Variants in LITAF observed in about 807,000 individuals in gnomAD.
The protein encoded by LITAF is lipopolysaccharide induced TNF factor.
A neutral mutation model predicts 14.5 loss-of-function variants in LITAF; 9 were observed. That is an observed-to-expected ratio of 0.62 (90% CI 0.37 to 1.08). The LOEUF (loss-of-function observed/expected upper bound fraction) is 1.08. Ranked by LOEUF, LITAF falls within the 50% of genes least tolerant of loss-of-function variation. The pLI is 0.01. For synonymous variants in LITAF, 98 were observed against 88.2 expected (o/e 1.11, Z -0.62); for missense variants, 206 against 213.4 (o/e 0.97, Z 0.22).
Position 11,547,784 on chromosome 16 carries a change from T to C in LITAF, c.*1853A>G, listed in dbSNP as rs759832566. The C allele has an allele frequency of 7.5e-5, 34 of 454,174 alleles. No homozygotes were observed. The highest frequency in any genetic ancestry group is 5.0e-4 in the South Asian group (32 of 64,480). 28.1% of individuals were successfully genotyped at this position (454,174 alleles called of 1,614,324 possible). A position where few individuals can be genotyped will look rare whatever the true frequency, so the allele number is the denominator to read the frequency against. On this transcript the variant is annotated 3_prime_UTR_variant, in exon 4 of 4. Transcript: ENST00000622633. ...GGCTTGCCGCCATCAATGACGCCTA[T>C]TGGGTTCCAATAGCCTCATGTTCAA...
intron 2 of LITAF, among the ~76,000 whole-genome samples, chr16:11,554,787 CAAAAAAAA>C (rs56346206): frequency 1.6e-5 from 1 of 64,490 alleles, no homozygotes; most frequent in Non-Finnish European, 3.0e-5. Flanking sequence ...GACTCTACCT[CAAAAAAAA>C]AAAAAAAAAA....
intron 1 of LITAF, among the ~76,000 whole-genome samples, chr16:11,597,357 G>A (rs1246955266): frequency 1.3e-5 from 2 of 152,106 alleles, no homozygotes; most frequent in Non-Finnish European, 2.9e-5. Context: ...GTGGGGAGAG[G>A]CTGGGCAGTG....
upstream of LITAF, chr16:11,587,322 C>T (rs1354894919): frequency 2.2e-6 from 1 of 448,380 alleles, no homozygotes; most frequent in Admixed American, 2.4e-5. Flanking sequence ...CACTTCCAGG[C>T]GGCGGGACCA....
rs1468153580 is a variant in LITAF, at chr16:11,549,506, A to G, written c.*131T>C. ...TTAGTTTTGCGACGTATTCCCCCCA[A>G]AAGAAGACATGAAGGTGGGCCCCCT... On this transcript the variant is annotated 3_prime_UTR_variant, in exon 4 of 4. Coordinates refer to ENST00000622633, the MANE Select transcript of LITAF (RefSeq NM_001136472.2). The surrounding 1 kb of genome is among the most constrained non-coding windows in gnomAD (Gnocchi z 4.6). 1.4e-6 allele frequency: 1 copy of G among 729,080 alleles called. No individual in the cohort carries two copies. Among genetic ancestry groups the G allele is most frequent in the South Asian group, 1.5e-5 (1 of 67,284 alleles). The allele number at this position is 729,080 out of a possible 1,614,324, so 45.2% of individuals were successfully genotyped here.
chr16:11,556,199 A>G (rs2064264939), intron 2 of LITAF: 3 of 483,044 alleles, frequency 6.2e-6, no homozygotes, highest in Non-Finnish European at 1.1e-5. Flanking sequence ...CTCAGGAGGA[A>G]GTGTGCGGGC....
intron 3 of LITAF, among the ~76,000 whole-genome samples, chr16:11,606,167 T>A (rs2064954180): frequency 6.6e-6 from 1 of 152,078 alleles, no homozygotes; most frequent in Admixed American, 6.6e-5. Flanking sequence ...TTTTTTTTAA[T>A]TTTTATTTTT....
intron 1 of LITAF, among the ~76,000 whole-genome samples, chr16:11,573,408 G>A (rs913207980): frequency 6.6e-6 from 1 of 152,182 alleles, no homozygotes; most frequent in Non-Finnish European, 1.5e-5. Context: ...AACAAGTCCA[G>A]CAACTCTTCC....
chr16:11,572,897 TATTA>T (rs1391164260), intron 1 of LITAF, among the ~76,000 whole-genome samples: 1 of 151,704 alleles, frequency 6.6e-6, no homozygotes, highest in Non-Finnish European at 1.5e-5. Context: ...GAGCTCTCTG[TATTA>T]ATTGTACCAA....
chr16:11,611,175 CA>C (rs1258530433), intron 3 of LITAF, among the ~76,000 whole-genome samples: 8 of 148,508 alleles, frequency 5.4e-5, no homozygotes, highest in Middle Eastern at 3.4e-3. Context: ...AATAGTGAGA[CA>C]AAAAAAAAAA....
Position 11,547,888 on chromosome 16 carries a change from T to G in LITAF, c.*1749A>C. 2 of 454,138 alleles carry G rather than the reference T, an allele frequency of 4.4e-6. No homozygotes were observed. The highest frequency in any genetic ancestry group is 8.8e-6 in the Non-Finnish European group (2 of 226,804). The allele number at this position is 454,138 out of a possible 1,614,324, so 28.1% of individuals were successfully genotyped here. On this transcript the variant is annotated 3_prime_UTR_variant, in exon 4 of 4. Coordinates refer to ENST00000622633, the MANE Select transcript of LITAF (RefSeq NM_001136472.2). ...AGGATATTCAGCAAGTCTGAAGTTT[T>G]TAATCGGGAAGGATTTTCTACCGTT...
intron 1 of LITAF, among the ~76,000 whole-genome samples, chr16:11,571,371 C>G (rs1010968170): frequency 2.6e-5 from 4 of 152,170 alleles, no homozygotes; most frequent in African/African-American, 4.8e-5. Context: ...CCAGTCGACA[C>G]ATTGCATTTA....
intron 3 of LITAF, among the ~76,000 whole-genome samples, chr16:11,630,158 G>C (rs114760117): frequency 1.3e-5 from 2 of 152,098 alleles, no homozygotes; most frequent in African/African-American, 2.4e-5. Flanking sequence ...CCTGGCGTTG[G>C]GGGGGCTCCA....
intron 3 of LITAF, among the ~76,000 whole-genome samples, chr16:11,614,131 G>A (rs1440363267): frequency 6.6e-6 from 1 of 151,988 alleles, no homozygotes; most frequent in African/African-American, 2.4e-5. Flanking sequence ...TCCCTCCTAC[G>A]GATGCTGTGA....
chr16:11,618,717 G>T (rs1383147539), intron 3 of LITAF, among the ~76,000 whole-genome samples: 1 of 152,136 alleles, frequency 6.6e-6, no homozygotes, highest in Non-Finnish European at 1.5e-5. Context: ...GGCCGCGGGG[G>T]CTCACACCTG....
At chr16:11,567,630 G>A (rs140003374) in intron 1 of LITAF, among the ~76,000 whole-genome samples, 172 of 152,240 alleles carry the variant, frequency 1.1e-3, no homozygotes, top group African/African-American at 4.0e-3. Context: ...CAGCGGAGGA[G>A]ACCCCTTGTT....
intron 3 of LITAF, among the ~76,000 whole-genome samples, chr16:11,621,672 C>T (rs2065052267): frequency 1.3e-5 from 2 of 152,272 alleles, no homozygotes; most frequent in Admixed American, 1.3e-4. Flanking sequence ...CACAGCTCCC[C>T]TGAATTCCCC....
At chr16:11,550,845 A>C (rs2064171630) in intron 3 of LITAF, among the ~76,000 whole-genome samples, 1 of 152,104 alleles carries the variant, frequency 6.6e-6, no homozygotes, top group Non-Finnish European at 1.5e-5. Flanking sequence ...GCAACTGCTC[A>C]ACTCTGCCCT....
upstream of LITAF, among the ~76,000 whole-genome samples, chr16:11,638,022 A>C (rs3972320): frequency 5.3e-3 from 470 of 89,500 alleles, 32 homozygotes; most frequent in Admixed American, 0.05. Flanking sequence ...ATCTATATAT[A>C]TCTATATATC....
chr16:11,584,514 C>T (rs754276045), intron 1 of LITAF, among the ~76,000 whole-genome samples: 5 of 152,200 alleles, frequency 3.3e-5, no homozygotes, highest in Admixed American at 6.5e-5. Context: ...TTTCCATTTA[C>T]TGTCTTCAAC....
Sources: gnomAD v4.1 joint callset for allele counts (sites outside exome capture counted in the v4.1 genomes callset) on GRCh38, gnomAD v4.1.1 for gene constraint, Gnocchi (gnomAD v3.1) non-coding constraint, MANE v1.5 for transcripts, NCBI Gene and HGNC (gene_info 2026-07-23, HGNC 2026-07-21) for gene names.